Variants in SORCS1 observed in about 807,000 individuals in gnomAD.
SORCS1 encodes the protein VPS10 domain-containing receptor SorCS1.
Under a neutral mutation model 146.1 loss-of-function variants are expected in SORCS1, and 60 were observed. The observed-to-expected ratio is 0.41, with a 90% CI of 0.33 to 0.51. The LOEUF (loss-of-function observed/expected upper bound fraction) is 0.51, where lower values mean the gene tolerates loss of function less well. Ranked by LOEUF, SORCS1 falls within the 20% of genes least tolerant of loss-of-function variation. The probability of loss-of-function intolerance (pLI) is 0.21; values close to 1 mark genes in which losing one functional copy is unlikely to be tolerated. For missense variants in SORCS1, 1,352 were observed against 1,487.6 expected, an observed-to-expected ratio of 0.91 and a Z score of 1.50; for synonymous variants, 637 against 584.0, an observed-to-expected ratio of 1.09 and a Z score of -1.31.
intron 1 of SORCS1, among the ~76,000 whole-genome samples, chr10:106,994,484 T>G (rs1420542274): frequency 6.6e-6 from 1 of 152,184 alleles, no homozygotes; most frequent in Non-Finnish European, 1.5e-5. Flanking sequence ...AATATAGCAA[T>G]TGACCCATAT....
chr10:107,164,247 C>G lies in SORCS1; in HGVS notation c.280G>C (p.Gly94Arg). 4.4e-6 allele frequency: 7 copies of G among 1,606,350 alleles called. No individual in the cohort carries two copies. The highest frequency in any genetic ancestry group is 1.3e-5 in the African/African-American group (1 of 75,036). Reference protein sequence around the residue: ...DRALSLERARGTGASMAVAAR... With the variant: ...DRALSLERARRTGASMAVAAR... ...GCAACCGCCATGGATGCCCCAGTGC[C>G]CCGAGCCCGCTCCAGGGATAGCGCT... Residue 94 changes from glycine to arginine, a missense_variant, in exon 1 of 26, where the codon GGC becomes CGC. By Grantham distance (125) the Gly-to-Arg change is moderately radical (BLOSUM62 -2). Transcript: ENST00000263054. The surrounding 1 kb of genome is among the most constrained non-coding windows in gnomAD (Gnocchi z 6.8).
At chr10:107,116,047 A>G (rs563536496) in intron 1 of SORCS1, among the ~76,000 whole-genome samples, 1 of 152,258 alleles carries the variant, frequency 6.6e-6, no homozygotes, top group Non-Finnish European at 1.5e-5. Context: ...AGAAAAATGA[A>G]AAATGAAACC....
intron 3 of SORCS1, among the ~76,000 whole-genome samples, chr10:106,819,577 C>A (rs1947913711): frequency 6.6e-6 from 1 of 152,050 alleles, no homozygotes; most frequent in African/African-American, 2.4e-5. Flanking sequence ...GCTAAGAGAG[C>A]ATTAAAAGGA....
intron 6 of SORCS1, among the ~76,000 whole-genome samples, chr10:106,712,460 C>G (rs1229608758): frequency 6.6e-6 from 1 of 152,118 alleles, no homozygotes; most frequent in Non-Finnish European, 1.5e-5. Context: ...GTAACTTTCT[C>G]AAGTTTGAAG....
At chr10:106,710,471 T>A (rs1854899213) in intron 6 of SORCS1, among the ~76,000 whole-genome samples, 1 of 147,702 alleles carries the variant, frequency 6.8e-6, no homozygotes, top group Non-Finnish European at 1.5e-5. Context: ...TTGGGAGGAG[T>A]TCCTTGAGTT....
At chr10:107,100,595 A>G (rs1203367122) in intron 1 of SORCS1, among the ~76,000 whole-genome samples, 1 of 152,202 alleles carries the variant, frequency 6.6e-6, no homozygotes, top group Non-Finnish European at 1.5e-5. Context: ...GGGACATCAG[A>G]GAAAAGAGCA....
intron 25 of SORCS1, chr10:106,578,128 G>T (rs1250447192): frequency 2.0e-5 from 3 of 152,424 alleles, no homozygotes; most frequent in Non-Finnish European, 2.9e-5. Context: ...ATTCACTGTT[G>T]TCAGCAATGC....
At chr10:107,173,564 T>C in the SORCS1 span, among the ~76,000 whole-genome samples, 1 of 152,200 alleles carries the variant, frequency 6.6e-6, no homozygotes, top group Non-Finnish European at 1.5e-5. Flanking sequence ...TGTAATTCAA[T>C]TTATCAATTA....
At chr10:107,150,638 T>A (rs1968712761) in intron 1 of SORCS1, among the ~76,000 whole-genome samples, 1 of 152,252 alleles carries the variant, frequency 6.6e-6, no homozygotes, top group Non-Finnish European at 1.5e-5. Flanking sequence ...CATCCAAATC[T>A]CATCTTCAAT....
intron 6 of SORCS1, among the ~76,000 whole-genome samples, chr10:106,717,393 A>T (rs1232528636): frequency 6.6e-6 from 1 of 152,230 alleles, no homozygotes; most frequent in East Asian, 1.9e-4. Context: ...GAATGTCAAA[A>T]GTGAGATTCT....
intron 5 of SORCS1, among the ~76,000 whole-genome samples, chr10:106,736,986 A>G (rs1476667785): frequency 6.6e-6 from 1 of 151,824 alleles, no homozygotes; most frequent in African/African-American, 2.4e-5. Flanking sequence ...TGTCATCCTT[A>G]CTCCCCAAGC....
chr10:106,758,070 A>T (rs565314128), intron 5 of SORCS1, among the ~76,000 whole-genome samples: 112 of 152,352 alleles, frequency 7.4e-4, no homozygotes, highest in Non-Finnish European at 1.2e-3. Flanking sequence ...TATTTATTTT[A>T]CTTAACACAT....
At chr10:106,996,518 T>G (rs1957013234) in intron 1 of SORCS1, among the ~76,000 whole-genome samples, 1 of 152,166 alleles carries the variant, frequency 6.6e-6, no homozygotes, top group Non-Finnish European at 1.5e-5. Context: ...AGCTCAACCT[T>G]GGCCCCTAGG....
intron 3 of SORCS1, among the ~76,000 whole-genome samples, chr10:106,814,045 C>A (rs896134548): frequency 2.6e-5 from 4 of 152,094 alleles, no homozygotes; most frequent in Admixed American, 6.6e-5. Context: ...TATTCATTGA[C>A]TTATTGGCAA....
chr10:106,880,815 A>G lies in SORCS1; in HGVS notation c.627-51142T>C, dbSNP rs781520403. Among the ~76,000 whole-genome samples, 69 of 152,212 alleles carry G rather than the reference A, an allele frequency of 4.5e-4. No homozygotes were observed. In the Middle Eastern group the frequency reaches 0.01, roughly 23 times the overall value. On this transcript the variant is annotated intron_variant, in intron 2 of 25. Transcript: ENST00000263054. ...ATTTCGAAAGCAGAATAAGCCGGGC[A>G]CGGTGGCTCACGCCTGTAATCCCAG...
intron 2 of SORCS1, among the ~76,000 whole-genome samples, chr10:106,904,436 G>T (rs533298140): frequency 6.6e-6 from 1 of 152,270 alleles, no homozygotes; most frequent in South Asian, 2.1e-4. Context: ...GCCACAGAGA[G>T]GAATGCATGT....
chr10:107,091,785 T>C (rs1158851313), intron 1 of SORCS1, among the ~76,000 whole-genome samples: 2 of 152,238 alleles, frequency 1.3e-5, no homozygotes, highest in African/African-American at 2.4e-5. Flanking sequence ...TCCATTTGGC[T>C]ACATTTTATT....
chr10:106,765,820 T>C (rs1859525593), intron 4 of SORCS1, among the ~76,000 whole-genome samples: 1 of 151,954 alleles, frequency 6.6e-6, no homozygotes, highest in African/African-American at 2.4e-5. Context: ...AGCTTGCAAT[T>C]GTCAGTGTCC....
rs563380873 is a variant in SORCS1, at chr10:107,148,157, C to A, written c.558+15812G>T. On this transcript the variant is annotated intron_variant, in intron 1 of 25. Transcript: ENST00000263054. Reference sequence around the variant, plus strand: ...GTGTATGCCTTTGAGCCAGGAAAACCAAGGGTCCAAAAAACACTCTCAAGT... The same window carrying A: ...GTGTATGCCTTTGAGCCAGGAAAACAAAGGGTCCAAAAAACACTCTCAAGT... Among the ~76,000 whole-genome samples the A allele has an allele frequency of 2.8e-3, 433 of 152,204 alleles. 1 individual carries two copies. Among genetic ancestry groups the A allele is most frequent in the Non-Finnish European group, 4.1e-3 (277 of 68,016 alleles).
Sources: allele counts gnomAD v4.1 joint callset (sites outside exome capture counted in the v4.1 genomes callset), GRCh38; gene constraint gnomAD v4.1.1; non-coding constraint Gnocchi (gnomAD v3.1); transcripts MANE v1.5; gene names NCBI Gene and HGNC (gene_info 2026-07-23, HGNC 2026-07-21).